The following CDC42EP4 variants were observed in gnomAD, a reference collection of about 807,000 sequenced individuals.
CDC42EP4 encodes CDC42 effector protein 4.
A neutral mutation model predicts 5.6 loss-of-function variants in CDC42EP4; 6 were observed. The observed-to-expected ratio is 1.07, with a 90% CI of 0.59 to 2.12. The LOEUF (loss-of-function observed/expected upper bound fraction) is 2.12, where lower values mean the gene tolerates loss of function less well. CDC42EP4 is among the 30% of genes most tolerant of loss of function. The probability of loss-of-function intolerance (pLI) is 0.00; values close to 1 mark genes in which losing one functional copy is unlikely to be tolerated. For synonymous variants in CDC42EP4, 230 were observed against 224.2 expected (o/e 1.03, Z -0.23); for missense variants, 490 against 508.6 (o/e 0.96, Z 0.35).
chr17:73,286,725 G>T lies in CDC42EP4; in HGVS notation c.-112-113C>A. 1 of 552,924 alleles carries T rather than the reference G, an allele frequency of 1.8e-6. No individual in the cohort carries two copies. The highest frequency in any genetic ancestry group is 1.9e-5 in the African/African-American group (1 of 53,546). 34.3% of individuals were successfully genotyped at this position (552,924 alleles called of 1,614,324 possible). On this transcript the variant is annotated intron_variant, in intron 1 of 1. Coordinates refer to ENST00000335793, the MANE Select transcript of CDC42EP4 (RefSeq NM_012121.5). The surrounding 1 kb of genome is among the most constrained non-coding windows in gnomAD (Gnocchi z 7.7). ...CCCAGCGCTCCTACCAAAGTTAAAT[G>T]CTGTGAAATAAGCCAGCAATCCATG...
chr17:73,286,748 A>G lies in CDC42EP4; in HGVS notation c.-112-136T>C, dbSNP rs1347413388. 1 of 530,844 alleles carries G rather than the reference A, an allele frequency of 1.9e-6. No individual in the cohort carries two copies. Among genetic ancestry groups the G allele is most frequent in the Non-Finnish European group, 3.4e-6 (1 of 298,370 alleles). The allele number at this position is 530,844 out of a possible 1,614,324, so 32.9% of individuals were successfully genotyped here. ...ATGCTGTGAAATAAGCCAGCAATCC[A>G]TGGTATAACCCTGCCTGTTTCTTCA... On this transcript the variant is annotated intron_variant, in intron 1 of 1. Transcript: ENST00000335793. This position sits in a 1 kb window ranked among gnomAD's most constrained non-coding sequence, Gnocchi z 7.7.
rs1368539000 is a variant in CDC42EP4 at position 73,284,911 on chromosome 17, AGCTGGGGTGGGGCAGGGAGGG to A, written c.*498_*518del. 1.3e-5 allele frequency: 2 copies of A among 152,354 alleles called. No homozygotes were observed. The highest frequency in any genetic ancestry group is 4.8e-5 in the African/African-American group (2 of 41,444). The allele number at this position is 152,354 out of a possible 1,614,324, so 9.4% of individuals were successfully genotyped here. ...AGGGGCTCCAGATTTCCAGGGCAGG[AGCTGGGGTGGGGCAGGGAGGG>A]GCTGAGAGGCAAGACCGTCTCCCTC... On this transcript the variant is annotated 3_prime_UTR_variant, in exon 2 of 2. Coordinates refer to ENST00000335793, the MANE Select transcript of CDC42EP4 (RefSeq NM_012121.5).
At chr17:73,304,705 G>A (rs2062236486) in intron 1 of CDC42EP4, among the ~76,000 whole-genome samples, 1 of 152,112 alleles carries the variant, frequency 6.6e-6, no homozygotes, top group South Asian at 2.1e-4. Flanking sequence ...GTGTCCCTGG[G>A]GCTCAGGCCT....
At chr17:73,301,458 T>G (rs988311302) in intron 1 of CDC42EP4, among the ~76,000 whole-genome samples, 5 of 152,220 alleles carry the variant, frequency 3.3e-5, no homozygotes, top group Non-Finnish European at 2.9e-5. Context: ...AATATCTAAT[T>G]TTTACATCCA....
At chr17:73,306,276 G>A (rs974083765) in intron 1 of CDC42EP4, among the ~76,000 whole-genome samples, 7 of 151,502 alleles carry the variant, frequency 4.6e-5, no homozygotes, top group African/African-American at 1.7e-4. Flanking sequence ...CAGGAGGATC[G>A]CTTGAGCCCA....
chr17:73,311,494 A>G (rs2062275046), intron 1 of CDC42EP4: 1 of 152,246 alleles, frequency 6.6e-6, no homozygotes, highest in Admixed American at 6.5e-5. Context: ...TCCTGCCCAC[A>G]CCGACACACA....
At chr17:73,298,378 TC>T (rs2062199675) in intron 1 of CDC42EP4, among the ~76,000 whole-genome samples, 1 of 152,122 alleles carries the variant, frequency 6.6e-6, no homozygotes, top group Admixed American at 6.5e-5. Flanking sequence ...TGCTTAAGCC[TC>T]CCCAGCTGAG....
intron 1 of CDC42EP4, among the ~76,000 whole-genome samples, chr17:73,308,739 G>C (rs532180091): frequency 1.4e-4 from 22 of 152,224 alleles, no homozygotes; most frequent in South Asian, 1.0e-3. Flanking sequence ...GACTTGTTAA[G>C]AAGGGTTGGC....
At chr17:73,291,806 T>A (rs917250944) in intron 1 of CDC42EP4, among the ~76,000 whole-genome samples, 7 of 152,144 alleles carry the variant, frequency 4.6e-5, no homozygotes, top group Non-Finnish European at 8.8e-5. Flanking sequence ...CAGATTCCTC[T>A]ACCCTCAGCC....
intron 1 of CDC42EP4, among the ~76,000 whole-genome samples, chr17:73,305,377 G>A (rs1208118751): frequency 3.3e-5 from 5 of 152,206 alleles, no homozygotes; most frequent in African/African-American, 9.6e-5. Context: ...CCTCCTGCTC[G>A]GGAGTGATCG....
At position 73,285,465 on chromosome 17, in the gene CDC42EP4, T is replaced by A. The variant is rs756460986; in HGVS notation, c.1036A>T (p.Met346Leu). 1 of 1,573,708 alleles carries A rather than the reference T, an allele frequency of 6.4e-7. No individual in the cohort carries two copies. Among genetic ancestry groups the A allele is most frequent in the Non-Finnish European group, 8.7e-7 (1 of 1,154,674 alleles). ...SRQPDKEFSFMDEEEEDEIRV is the reference protein window; with the variant it reads ...SRQPDKEFSFLDEEEEDEIRV ...ATTTCATCCTCCTCCTCCTCATCCA[T>A]GAAGGAGAACTCCTTGTCTGGCTGT... is the stretch of plus-strand genomic sequence containing the variant. Residue 346 changes from methionine (M) to leucine (L), a missense_variant, in exon 2 of 2, where the codon ATG becomes TTG. Physicochemically the swap from Met to Leu is conservative, Grantham distance 15 (BLOSUM62 2). Transcript: ENST00000335793. The surrounding 1 kb of genome is among the most constrained non-coding windows in gnomAD (Gnocchi z 6.8).
At chr17:73,298,245 GT>G (rs1437427840) in intron 1 of CDC42EP4, among the ~76,000 whole-genome samples, 4 of 152,152 alleles carry the variant, frequency 2.6e-5, no homozygotes, top group African/African-American at 9.7e-5. Flanking sequence ...TTAGGTCCTT[GT>G]TTTATTCTAA....
intron 1 of CDC42EP4, among the ~76,000 whole-genome samples, chr17:73,297,493 T>A (rs996392179): frequency 4.0e-5 from 6 of 151,816 alleles, no homozygotes; most frequent in African/African-American, 1.5e-4. Flanking sequence ...AAATAAAAAT[T>A]TAAAATAAAT....
intron 1 of CDC42EP4, among the ~76,000 whole-genome samples, chr17:73,298,281 A>C (rs1368006490): frequency 6.6e-6 from 1 of 152,178 alleles, no homozygotes; most frequent in Non-Finnish European, 1.5e-5. Flanking sequence ...GGAAGTGGGC[A>C]AGCTTTATTA....
intron 1 of CDC42EP4, among the ~76,000 whole-genome samples, chr17:73,300,645 T>C (rs1357413701): frequency 6.6e-6 from 1 of 152,172 alleles, no homozygotes; most frequent in African/African-American, 2.4e-5. Context: ...TGTACACGAT[T>C]GGGTGATGGT....
chr17:73,310,244 C>T (rs1000859444), intron 1 of CDC42EP4: 4 of 152,238 alleles, frequency 2.6e-5, no homozygotes, highest in African/African-American at 9.7e-5. Context: ...GGTCCCTCCT[C>T]CACCCTAGCC....
chr17:73,293,817 T>A (rs542085006), intron 1 of CDC42EP4, among the ~76,000 whole-genome samples: 1 of 152,296 alleles, frequency 6.6e-6, no homozygotes, highest in East Asian at 1.9e-4. Flanking sequence ...GTGGCAGGGC[T>A]GAGGGCAGCT....
rs940111004 is a variant in CDC42EP4, at chr17:73,284,833, G to C, written c.*597C>G. On this transcript the variant is annotated 3_prime_UTR_variant, in exon 2 of 2. Coordinates refer to ENST00000335793, the MANE Select transcript of CDC42EP4 (RefSeq NM_012121.5). Reference sequence around the variant, plus strand: ...CATCCTGTTCTCTTCCCCTGGAAAGGGCTGCGTTTAGTGCACATGCTCGCA... The same window carrying C: ...CATCCTGTTCTCTTCCCCTGGAAAGCGCTGCGTTTAGTGCACATGCTCGCA... 3.9e-5 allele frequency: 6 copies of C among 152,168 alleles called. No individual in the cohort carries two copies. The highest frequency in any genetic ancestry group is 1.4e-4 in the African/African-American group (6 of 41,394). The allele number at this position is 152,168 out of a possible 1,614,324, so 9.4% of individuals were successfully genotyped here.
At chr17:73,295,402 ACCATCTTGCC>A (rs1171551577) in intron 1 of CDC42EP4, among the ~76,000 whole-genome samples, 2 of 152,106 alleles carry the variant, frequency 1.3e-5, no homozygotes, top group East Asian at 3.9e-4. Flanking sequence ...GATGTTTGCT[ACCATCTTGCC>A]CAAATTAAGA....
Sources: gnomAD v4.1 joint callset for allele counts (sites outside exome capture counted in the v4.1 genomes callset) on GRCh38, gnomAD v4.1.1 for gene constraint, Gnocchi (gnomAD v3.1) non-coding constraint, MANE v1.5 for transcripts, NCBI Gene and HGNC (gene_info 2026-07-23, HGNC 2026-07-21) for gene names.